GRHL2: variants seen among roughly 807,000 people sequenced by gnomAD.
The protein encoded by GRHL2 is grainyhead like transcription factor 2, also known as grainyhead-like protein 2 homolog.
A neutral mutation model predicts 83.8 loss-of-function variants in GRHL2; 21 were observed. The ratio of observed to expected loss-of-function variants is 0.25; its 90% CI spans 0.18 to 0.36. The LOEUF (loss-of-function observed/expected upper bound fraction) is 0.36. Among genes scored for constraint, GRHL2 ranks in the 10% least tolerant of loss-of-function variants. The pLI, the probability that GRHL2 is intolerant of heterozygous loss-of-function variation, is 1.00. For missense variants in GRHL2, 623 were observed against 781.8 expected (o/e 0.80, Z 2.42); for synonymous variants, 280 against 278.9 (o/e 1.00, Z -0.04).
At chr8:101,663,067 T>C (rs1176620307) in intron 14 of GRHL2, among the ~76,000 whole-genome samples, 2 of 152,210 alleles carry the variant, frequency 1.3e-5, no homozygotes, top group African/African-American at 2.4e-5. Flanking sequence ...TACGCAGTTT[T>C]CTCTATCCTA....
downstream of GRHL2, among the ~76,000 whole-genome samples, chr8:101,670,359 A>ATCTC (rs1386236608): frequency 1.3e-5 from 2 of 152,078 alleles, no homozygotes; most frequent in Admixed American, 6.5e-5. Context: ...ACATCTTCCC[A>ATCTC]TCTCTCTGTC....
At chr8:101,552,960 G>T (rs1290301034) in intron 3 of GRHL2, among the ~76,000 whole-genome samples, 178 bp downstream of exon 3, 1 of 152,158 alleles carries the variant, frequency 6.6e-6, no homozygotes, top group African/African-American at 2.4e-5. Flanking sequence ...TGCATGTTTG[G>T]TTGTGCATCC....
intron 1 of GRHL2, among the ~76,000 whole-genome samples, chr8:101,507,171 T>C (rs1810357606): frequency 6.6e-6 from 1 of 152,250 alleles, no homozygotes; most frequent in Non-Finnish European, 1.5e-5. Flanking sequence ...GAGCTCTTTT[T>C]GCACCTAAAA....
Position 101,613,534 on chromosome 8 carries a change from T to C in GRHL2, c.1099-6005T>C, listed in dbSNP as rs1395905050. ...ATGAATACATGCATAAAAAAATAGATGGTTACCCAAAGCTGAGATTTCACA... is the reference window on the plus strand; with the variant it reads ...ATGAATACATGCATAAAAAAATAGACGGTTACCCAAAGCTGAGATTTCACA... On this transcript the variant is annotated intron_variant, in intron 8 of 15. Transcript: ENST00000646743. Among the ~76,000 whole-genome samples, 4 of 150,942 alleles carry C rather than the reference T, an allele frequency of 2.7e-5. 1 individual carries two copies. The highest frequency in any genetic ancestry group is 5.0e-5 in the African/African-American group (2 of 40,322).
At chr8:101,496,627 CAT>C (rs1486845076) in intron 1 of GRHL2, among the ~76,000 whole-genome samples, 6 of 151,844 alleles carry the variant, frequency 4.0e-5, no homozygotes, top group Admixed American at 6.6e-5. Flanking sequence ...AAAAAGTAAA[CAT>C]ATATTTAATT....
At chr8:101,637,852 C>T (rs1813320777) in intron 12 of GRHL2, among the ~76,000 whole-genome samples, 1 of 152,180 alleles carries the variant, frequency 6.6e-6, no homozygotes, top group African/African-American at 2.4e-5. Flanking sequence ...CATCTTCCCT[C>T]GTCATTCAAA....
intron 7 of GRHL2, among the ~76,000 whole-genome samples, chr8:101,582,952 T>A (rs1264764128): frequency 6.6e-6 from 1 of 152,184 alleles, no homozygotes; most frequent in African/African-American, 2.4e-5. Flanking sequence ...ATTTTAGAGA[T>A]CCAAGATGTG....
chr8:101,577,379 A>T, intron 6 of GRHL2, 29 bp from the exon 7 acceptor site: 1 of 1,460,568 alleles, frequency 6.8e-7, no homozygotes, highest in Non-Finnish European at 9.6e-7. Flanking sequence ...CTGAACAAAA[A>T]GTAAGCTCCA....
intron 4 of GRHL2, among the ~76,000 whole-genome samples, chr8:101,568,508 A>C (rs1278577530): frequency 1.3e-5 from 2 of 152,144 alleles, no homozygotes; most frequent in African/African-American, 4.8e-5. Flanking sequence ...TGCCCAGTCC[A>C]TGCTTTTCCA....
At chr8:101,513,764 G>T (rs986411973) in intron 1 of GRHL2, among the ~76,000 whole-genome samples, 3 of 152,006 alleles carry the variant, frequency 2.0e-5, no homozygotes, top group Admixed American at 1.3e-4. Flanking sequence ...CCAAAGTTCT[G>T]GGATTACACA....
intron 4 of GRHL2, among the ~76,000 whole-genome samples, chr8:101,560,603 C>T (rs1426263613): frequency 6.6e-6 from 1 of 152,140 alleles, no homozygotes; most frequent in Non-Finnish European, 1.5e-5. Context: ...TTCAAAGTGG[C>T]TATACCATTT....
At chr8:101,492,817 GCTA>G in intron 1 of GRHL2, 28 bp downstream of exon 1, 1 of 1,611,254 alleles carries the variant, frequency 6.2e-7, no homozygotes, top group Non-Finnish European at 8.5e-7. Context: ...GCCGGCTGCT[GCTA>G]CTACTACCAC....
intron 1 of GRHL2, among the ~76,000 whole-genome samples, chr8:101,521,471 T>C (rs576445579): frequency 2.2e-4 from 34 of 152,284 alleles, no homozygotes; most frequent in African/African-American, 7.9e-4. Context: ...CCCATGATAT[T>C]TTCTCTTGTA....
intron 7 of GRHL2, among the ~76,000 whole-genome samples, chr8:101,583,570 G>A (rs576312758): frequency 3.3e-5 from 5 of 152,070 alleles, no homozygotes; most frequent in South Asian, 2.1e-4. Flanking sequence ...TTGAGGCACC[G>A]TCTACACATA....
chr8:101,644,994 T>C (rs890503594), intron 13 of GRHL2, among the ~76,000 whole-genome samples: 2 of 152,064 alleles, frequency 1.3e-5, no homozygotes, highest in Non-Finnish European at 2.9e-5. Context: ...ACTACAGGCA[T>C]GCACCACCAT....
At chr8:101,601,504 A>G (rs1812513994) in intron 8 of GRHL2, among the ~76,000 whole-genome samples, 1 of 152,168 alleles carries the variant, frequency 6.6e-6, no homozygotes, top group Non-Finnish European at 1.5e-5. Context: ...GCAGGAGCTT[A>G]CTTTCCTTGT....
At chr8:101,563,523 T>C (rs1022860378) in intron 4 of GRHL2, among the ~76,000 whole-genome samples, 1 of 152,132 alleles carries the variant, frequency 6.6e-6, no homozygotes, top group Non-Finnish European at 1.5e-5. Context: ...CCTGCTGTAT[T>C]CTGTGGAATC....
At chr8:101,657,414 T>G (rs1410716550) in intron 14 of GRHL2, among the ~76,000 whole-genome samples, 1 of 152,110 alleles carries the variant, frequency 6.6e-6, no homozygotes, top group Non-Finnish European at 1.5e-5. Flanking sequence ...AACATATTGA[T>G]GAGATATCTC....
At chr8:101,652,850 C>T (rs895319509) in intron 14 of GRHL2, among the ~76,000 whole-genome samples, 2 of 152,046 alleles carry the variant, frequency 1.3e-5, no homozygotes, top group African/African-American at 4.8e-5. Context: ...CTGGTATATA[C>T]CAAGTCCACA....
Sources: gnomAD v4.1 joint callset for allele counts (sites outside exome capture counted in the v4.1 genomes callset) on GRCh38, gnomAD v4.1.1 for gene constraint, MANE v1.5 for transcripts, NCBI Gene and HGNC (gene_info 2026-07-23, HGNC 2026-07-21) for gene names.